Variants in ATE1 observed in about 807,000 individuals in gnomAD.
ATE1 encodes arginyl-tRNA--protein transferase 1.
ATE1 carries 36 observed loss-of-function variants against 70.5 expected under a neutral mutation model. The ratio of observed to expected loss-of-function variants is 0.51; its 90% CI spans 0.39 to 0.67. ATE1 has a LOEUF of 0.67. Among genes scored for constraint, ATE1 ranks in the 30% least tolerant of loss-of-function variants. ATE1 has a pLI of 0.00. For synonymous variants in ATE1, 232 were observed against 219.3 expected (o/e 1.06, Z -0.51); for missense variants, 593 against 629.5 (o/e 0.94, Z 0.62).
At chr10:121,809,902 CA>C (rs377283028) in intron 10 of ATE1, among the ~76,000 whole-genome samples, 54 of 141,066 alleles carry the variant, frequency 3.8e-4, no homozygotes, top group South Asian at 2.3e-3. Context: ...CAAAACAAAA[CA>C]AAAAAAAAAA....
At chr10:121,801,931 TA>T (rs60193561) in intron 10 of ATE1, among the ~76,000 whole-genome samples, 8,015 of 137,674 alleles carry the variant, frequency 0.058, 491 homozygotes, top group African/African-American at 0.16. Flanking sequence ...TTTTTAAAGT[TA>T]AAAAAAAAAA....
intron 8 of ATE1, among the ~76,000 whole-genome samples, chr10:121,862,876 C>T (rs546236184): frequency 2.0e-5 from 3 of 152,184 alleles, no homozygotes; most frequent in East Asian, 1.9e-4. Flanking sequence ...TGGCAACACC[C>T]GGAAGTTACT....
intron 7 of ATE1, among the ~76,000 whole-genome samples, chr10:121,887,926 C>T (rs1950456628): frequency 6.6e-6 from 1 of 152,190 alleles, no homozygotes; most frequent in Admixed American, 6.5e-5. Flanking sequence ...ATTTTGCTAC[C>T]TCTCCCACCT....
intron 11 of ATE1, among the ~76,000 whole-genome samples, chr10:121,767,684 C>G (rs1389038734): frequency 6.6e-6 from 1 of 152,156 alleles, no homozygotes; most frequent in Non-Finnish European, 1.5e-5. Flanking sequence ...CAACATTAAT[C>G]ATTTAGGGAA....
rs562264313 is a variant in ATE1, at chr10:121,744,507, T to C, written c.1379-649A>G. Among the ~76,000 whole-genome samples, 5 of 152,298 alleles carry C rather than the reference T, an allele frequency of 3.3e-5. No individual in the cohort carries two copies. The East Asian group carries it at 5.8e-4, about 18-fold the overall frequency. On this transcript the variant is annotated intron_variant, in intron 11 of 11. Transcript: ENST00000224652. Reference sequence around the variant, plus strand: ...GTTTACAACTCTCCGGCATCATTCCTGCATCTGATTTAAGTCTGTTTTGCC... The same window carrying C: ...GTTTACAACTCTCCGGCATCATTCCCGCATCTGATTTAAGTCTGTTTTGCC...
At chr10:121,819,686 A>C (rs538926291) in intron 10 of ATE1, among the ~76,000 whole-genome samples, 1 of 147,546 alleles carries the variant, frequency 6.8e-6, no homozygotes, top group East Asian at 2.0e-4. Context: ...TCTCAAAAAA[A>C]AAAAAAAAAA....
At chr10:121,777,859 T>A (rs1391111039) in intron 11 of ATE1, among the ~76,000 whole-genome samples, 1 of 152,208 alleles carries the variant, frequency 6.6e-6, no homozygotes, top group Non-Finnish European at 1.5e-5. Context: ...GGAAACTGAA[T>A]ACATTAAGTT....
At chr10:121,911,456 A>AC (rs967910884) in intron 4 of ATE1, among the ~76,000 whole-genome samples, 16 of 148,890 alleles carry the variant, frequency 1.1e-4, no homozygotes, top group African/African-American at 1.7e-4. Context: ...AAAAAAAAAA[A>AC]AAAACAAAAA....
upstream of ATE1, chr10:121,928,329 G>A (rs1952190965): frequency 2.6e-6 from 4 of 1,515,924 alleles, no homozygotes; most frequent in Non-Finnish European, 3.5e-6. Flanking sequence ...CGCCAACTCC[G>A]GCGTCGGGAA....
chr10:121,819,641 AG>A (rs1257480566), intron 10 of ATE1, among the ~76,000 whole-genome samples: 6 of 125,068 alleles, frequency 4.8e-5, no homozygotes, highest in Non-Finnish European at 9.6e-5. Flanking sequence ...TGGGAGACAG[AG>A]CTTGCAGTGA....
chr10:121,871,769 A>G (rs1355926799), intron 7 of ATE1, among the ~76,000 whole-genome samples: 1 of 152,228 alleles, frequency 6.6e-6, no homozygotes, highest in Non-Finnish European at 1.5e-5. Context: ...AAATGCAAAC[A>G]GTAAGAATTT....
chr10:121,928,344 C>T, upstream of ATE1: 1 of 1,522,574 alleles, frequency 6.6e-7, no homozygotes, highest in Non-Finnish European at 8.8e-7. Flanking sequence ...CGGGAACACT[C>T]ACCGCAGGAC....
chr10:121,859,582 G>A (rs1055909119), intron 8 of ATE1, among the ~76,000 whole-genome samples: 3 of 152,156 alleles, frequency 2.0e-5, no homozygotes, highest in Admixed American at 1.3e-4. Context: ...TTAATATGAT[G>A]GTTCAGGCCA....
intron 1 of ATE1, among the ~76,000 whole-genome samples, chr10:121,925,072 G>C (rs1334285796): frequency 2.0e-5 from 3 of 152,130 alleles, no homozygotes; most frequent in Admixed American, 2.0e-4. Flanking sequence ...GTACAGTCTT[G>C]AGCATCAAAA....
intron 11 of ATE1, among the ~76,000 whole-genome samples, chr10:121,755,048 C>T (rs1944738146): frequency 1.3e-5 from 2 of 152,090 alleles, no homozygotes; most frequent in African/African-American, 2.4e-5. Flanking sequence ...TGGTATTGTT[C>T]TAGACAAAAG....
Position 121,791,095 on chromosome 10 carries a change from TA to T in ATE1, c.1258-807del, listed in dbSNP as rs1337573790. ...GTGTGTGTGTGTGTGTGTGTATATA[TA>T]TTTTTTTTTTTTTTTGAGATAGATT... On this transcript the variant is annotated intron_variant, in intron 10 of 11. Coordinates refer to ENST00000224652, the MANE Select transcript of ATE1 (RefSeq NM_001001976.3). Among the ~76,000 whole-genome samples the T allele has an allele frequency of 6.0e-3, 387 of 64,424 alleles. 3 individuals carry two copies. The highest frequency in any genetic ancestry group is 0.013 in the South Asian group (19 of 1,512). 42.3% of individuals were successfully genotyped at this position (64,424 alleles called of 152,430 possible). A position where few individuals can be genotyped will look rare whatever the true frequency, so the allele number is the denominator to read the frequency against.
At chr10:121,895,058 A>AT (rs1441664625) in intron 7 of ATE1, among the ~76,000 whole-genome samples, 1 of 152,156 alleles carries the variant, frequency 6.6e-6, no homozygotes, top group East Asian at 1.9e-4. Flanking sequence ...ATAAAAATCA[A>AT]TTTTAAGAAA....
chr10:121,755,466 T>C (rs986751302), intron 11 of ATE1, among the ~76,000 whole-genome samples: 5 of 152,276 alleles, frequency 3.3e-5, no homozygotes, highest in African/African-American at 4.8e-5. Context: ...TATGCATATG[T>C]TCTTTGTATT....
chr10:121,915,240 A>G (rs1951600672), intron 3 of ATE1, among the ~76,000 whole-genome samples: 1 of 152,226 alleles, frequency 6.6e-6, no homozygotes, highest in Admixed American at 6.5e-5. Flanking sequence ...TAAGAGTCTG[A>G]GAACAAAAAC....
Sources: allele counts gnomAD v4.1 joint callset (sites outside exome capture counted in the v4.1 genomes callset), GRCh38; gene constraint gnomAD v4.1.1; transcripts MANE v1.5; gene names NCBI Gene and HGNC (gene_info 2026-07-23, HGNC 2026-07-21).